The following HS6ST2 variants were observed in gnomAD, a reference collection of about 807,000 sequenced individuals.
HS6ST2 encodes the protein heparan sulfate 6-O-sulfotransferase 2.
HS6ST2 carries 17 observed loss-of-function variants against 33.0 expected under a neutral mutation model. The observed-to-expected ratio is 0.52, with a 90% CI of 0.35 to 0.77. The LOEUF (loss-of-function observed/expected upper bound fraction) is 0.77, where lower values mean the gene tolerates loss of function less well. Among genes scored for constraint, HS6ST2 ranks in the 30% least tolerant of loss-of-function variants. HS6ST2 has a pLI of 0.01. For missense variants in HS6ST2, 519 were observed against 551.7 expected, an observed-to-expected ratio of 0.94 and a Z score of 0.59; for synonymous variants, 248 against 237.1, an observed-to-expected ratio of 1.05 and a Z score of -0.42.
At chrX:132,860,734 T>C (rs1287193279) in intron 2 of HS6ST2, among the ~76,000 whole-genome samples, 1 of 110,183 alleles carries the variant, frequency 9.1e-6, no homozygotes, top group Non-Finnish European at 1.9e-5. Context: ...TGTTTTTGTT[T>C]GCCTTGAGTT....
intron 2 of HS6ST2, among the ~76,000 whole-genome samples, chrX:132,915,225 T>C (rs748852750): frequency 8.9e-6 from 1 of 112,135 alleles, no homozygotes; most frequent in African/African-American, 3.2e-5. Flanking sequence ...AAACACCCAA[T>C]GCTCAGTATA....
intron 3 of HS6ST2, among the ~76,000 whole-genome samples, chrX:132,699,206 A>G (rs1364761192): frequency 7.2e-5 from 8 of 111,831 alleles, no homozygotes; most frequent in Non-Finnish European, 1.5e-4. Context: ...TTGTTGTAGG[A>G]CAGAAAGCTA....
chrX:132,871,168 A>G (rs2066053730), intron 2 of HS6ST2, among the ~76,000 whole-genome samples: 1 of 112,643 alleles, frequency 8.9e-6, no homozygotes, highest in African/African-American at 3.2e-5. Flanking sequence ...CAAACATATG[A>G]AAAAAAGCTC....
At chrX:132,918,227 T>A (rs1457492720) in intron 2 of HS6ST2, among the ~76,000 whole-genome samples, 3 of 112,460 alleles carry the variant, frequency 2.7e-5, no homozygotes, top group Non-Finnish European at 1.9e-5. Context: ...GGGCTTCTTT[T>A]GGTGGCAATG....
At chrX:132,839,747 G>A (rs1196674351) in intron 2 of HS6ST2, among the ~76,000 whole-genome samples, 2 of 110,818 alleles carry the variant, frequency 1.8e-5, no homozygotes, top group Non-Finnish European at 3.8e-5. Flanking sequence ...AGATGATAAG[G>A]ATCTGCAACC....
intron 2 of HS6ST2, among the ~76,000 whole-genome samples, chrX:132,881,700 A>G (rs1269744477): frequency 9.0e-6 from 1 of 111,537 alleles, no homozygotes; most frequent in Non-Finnish European, 1.9e-5. Flanking sequence ...GTCCTTGCCC[A>G]TGCTTATGTC....
intron 2 of HS6ST2, among the ~76,000 whole-genome samples, chrX:132,863,772 T>C (rs771860796): frequency 1.2e-4 from 13 of 111,950 alleles, no homozygotes; most frequent in Non-Finnish European, 1.9e-4. Flanking sequence ...AGAGCTCTTC[T>C]TTCCTCATAA....
Position 132,746,017 on chromosome X carries a change from CA to C in HS6ST2, c.948-37524del, listed in dbSNP as rs2064637038. 3.6e-5 allele frequency among the ~76,000 whole-genome samples: 4 copies of C among 111,544 alleles called. No individual in the cohort carries two copies. In the South Asian group the frequency reaches 1.5e-3, roughly 42 times the overall value. ...TCCTACAACAGCCTTGGCTACAGTA[CA>C]AAAAAAGAGATGTTTTGCTCACTTT... On this transcript the variant is annotated intron_variant, in intron 2 of 4. Coordinates refer to ENST00000370833, the MANE Select transcript of HS6ST2 (RefSeq NM_001394073.1).
At chrX:132,951,662 G>C (rs777752411) in intron 2 of HS6ST2, among the ~76,000 whole-genome samples, 1 of 111,767 alleles carries the variant, frequency 8.9e-6, no homozygotes, top group South Asian at 3.8e-4. Context: ...TAATCTTTAT[G>C]GACTTGAGGC....
At chrX:132,881,617 T>C (rs922948437) in intron 2 of HS6ST2, among the ~76,000 whole-genome samples, 1 of 111,861 alleles carries the variant, frequency 8.9e-6, no homozygotes, top group Non-Finnish European at 1.9e-5. Context: ...GTGCAGAAGC[T>C]CTTGAGTTTA....
chrX:132,787,355 C>T (rs1237870958), intron 2 of HS6ST2, among the ~76,000 whole-genome samples: 4 of 96,127 alleles, frequency 4.2e-5, no homozygotes, highest in African/African-American at 1.2e-4. Flanking sequence ...TGCAGTGGTG[C>T]GATCTCAGCT....
chrX:132,662,024 C>T (rs2063778155), intron 4 of HS6ST2, among the ~76,000 whole-genome samples: 1 of 111,386 alleles, frequency 9.0e-6, no homozygotes, highest in Admixed American at 9.6e-5. Flanking sequence ...CTCACAACAT[C>T]TAATTGCAAT....
chrX:132,661,792 C>T (rs1218467043), intron 4 of HS6ST2, among the ~76,000 whole-genome samples: 2 of 111,226 alleles, frequency 1.8e-5, no homozygotes, highest in Non-Finnish European at 3.8e-5. Context: ...ACCTGTAATC[C>T]CACCACTTTA....
At chrX:132,893,930 C>G (rs2066341422) in intron 2 of HS6ST2, among the ~76,000 whole-genome samples, 1 of 111,053 alleles carries the variant, frequency 9.0e-6, no homozygotes, top group African/African-American at 3.3e-5. Flanking sequence ...ATCCCAGGAG[C>G]TTCATCCAGA....
chrX:132,766,628 A>G (rs1489941784), intron 2 of HS6ST2, among the ~76,000 whole-genome samples: 1 of 111,976 alleles, frequency 8.9e-6, no homozygotes, highest in Non-Finnish European at 1.9e-5. Flanking sequence ...AGAGAGGTTT[A>G]ATTGATGCAC....
intron 2 of HS6ST2, among the ~76,000 whole-genome samples, chrX:132,782,234 TCA>T (rs1158175530): frequency 1.8e-5 from 2 of 111,896 alleles, no homozygotes; most frequent in Non-Finnish European, 3.8e-5. Flanking sequence ...GTCCTATTTT[TCA>T]CAGAGTATCC....
intron 2 of HS6ST2, among the ~76,000 whole-genome samples, chrX:132,946,421 T>C (rs2066957176): frequency 8.9e-6 from 1 of 112,207 alleles, no homozygotes; most frequent in African/African-American, 3.2e-5. Flanking sequence ...ATATATGCCA[T>C]GGAATACTAT....
chrX:132,923,209 G>T (rs923171895), intron 2 of HS6ST2, among the ~76,000 whole-genome samples: 2 of 111,315 alleles, frequency 1.8e-5, no homozygotes, highest in Non-Finnish European at 3.8e-5. Context: ...AAGTCTCCAG[G>T]TAGGAAGATT....
intron 2 of HS6ST2, among the ~76,000 whole-genome samples, chrX:132,904,072 A>G (rs1358375036): frequency 9.0e-6 from 1 of 111,669 alleles, no homozygotes; most frequent in East Asian, 2.8e-4. Context: ...TGTGATCATT[A>G]TCTTCTTGCT....
Sources: gnomAD v4.1 joint callset for allele counts (sites outside exome capture counted in the v4.1 genomes callset) on GRCh38, gnomAD v4.1.1 for gene constraint, MANE v1.5 for transcripts, NCBI Gene and HGNC (gene_info 2026-07-23, HGNC 2026-07-21) for gene names.